CCDC93: variants seen among roughly 807,000 people sequenced by gnomAD.
CCDC93 encodes CCC complex scaffolding subunit CCDC93.
A neutral mutation model predicts 108.2 loss-of-function variants in CCDC93; 61 were observed. That is an observed-to-expected ratio of 0.56 (90% CI 0.46 to 0.70). The LOEUF (loss-of-function observed/expected upper bound fraction) is 0.70, where lower values mean the gene tolerates loss of function less well. Ranked by LOEUF, CCDC93 falls within the 30% of genes least tolerant of loss-of-function variation. The pLI, the probability that CCDC93 is intolerant of heterozygous loss-of-function variation, is 0.00. For missense variants in CCDC93, 685 were observed against 764.2 expected (o/e 0.90, Z 1.22); for synonymous variants, 276 against 260.4 (o/e 1.06, Z -0.58).
chr2:117,956,938 T>C (rs1679239656), intron 12 of CCDC93, among the ~76,000 whole-genome samples: 2 of 151,538 alleles, frequency 1.3e-5, no homozygotes, highest in Non-Finnish European at 2.9e-5. Flanking sequence ...TTGCCCAGGC[T>C]AGAGTGCAAC....
chr2:118,013,475 TG>T (rs1489691355), intron 1 of CCDC93, among the ~76,000 whole-genome samples: 1 of 151,790 alleles, frequency 6.6e-6, no homozygotes, highest in African/African-American at 2.4e-5. Context: ...GCAAGGCGGG[TG>T]GGGCGGGCCG....
chr2:117,952,493 G>A, intron 12 of CCDC93, 58 bp from the exon 13 acceptor site: 1 of 1,220,476 alleles, frequency 8.2e-7, no homozygotes, highest in Non-Finnish European at 1.2e-6. Flanking sequence ...CAACACAGAT[G>A]TGAATTTCAC....
At position 117,936,853 on chromosome 2, in the gene CCDC93, C is replaced by T. The variant is rs543957003; in HGVS notation, c.1606-114G>A. On this transcript the variant is annotated intron_variant, in intron 20 of 23. Transcript: ENST00000376300. The stretch of plus-strand genomic sequence containing the variant: ...ATACTGCTTCTGCAAGGAACACATG[C>T]CTTGTTTATGAAGATTAAAGTAACA... The T allele has an allele frequency of 3.7e-5, 30 of 806,952 alleles. No individual in the cohort carries two copies. The African/African-American group carries it at 4.2e-4, about 11-fold the overall frequency. The allele number at this position is 806,952 out of a possible 1,614,324, so 50.0% of individuals were successfully genotyped here.
chr2:117,977,856 G>T, intron 8 of CCDC93, 138 bp downstream of exon 8: 1 of 718,444 alleles, frequency 1.4e-6, no homozygotes. Context: ...CCAGGACGGA[G>T]ATGCAGGGGC....
chr2:117,945,629 A>G lies in CCDC93; in HGVS notation c.1297-47T>C, dbSNP rs1402618441. On this transcript the variant is annotated intron_variant, in intron 16 of 23. Transcript: ENST00000376300. ...AAACACCTCTCCTGAGCATTCGGGAATAAGACAGAAGCCAAGGATCTAGAT... is the reference window on the plus strand; with the variant it reads ...AAACACCTCTCCTGAGCATTCGGGAGTAAGACAGAAGCCAAGGATCTAGAT... 5 of 1,533,334 alleles carry G rather than the reference A, an allele frequency of 3.3e-6. No homozygotes were observed. In the African/African-American group the frequency reaches 4.1e-5, roughly 13 times the overall value. 95.0% of individuals were successfully genotyped at this position (1,533,334 alleles called of 1,614,324 possible). A position where few individuals can be genotyped will look rare whatever the true frequency, so the allele number is the denominator to read the frequency against.
At chr2:117,928,982 CCAT>C (rs1278794418) in intron 23 of CCDC93, among the ~76,000 whole-genome samples, 3 of 152,202 alleles carry the variant, frequency 2.0e-5, no homozygotes, top group East Asian at 1.9e-4. Context: ...AAGCTGGAAA[CCAT>C]CATTCTCAGC....
intron 12 of CCDC93, among the ~76,000 whole-genome samples, chr2:117,953,370 C>A (rs1679118775): frequency 6.6e-6 from 1 of 152,078 alleles, no homozygotes; most frequent in Non-Finnish European, 1.5e-5. Context: ...AAGCTGAGAG[C>A]AATGTGATAA....
intron 18 of CCDC93, among the ~76,000 whole-genome samples, chr2:117,941,645 G>A (rs1405765074): frequency 6.6e-6 from 1 of 152,170 alleles, no homozygotes; most frequent in Non-Finnish European, 1.5e-5. Context: ...CTGCCAGGCA[G>A]GGACAGGCAA....
intron 1 of CCDC93, chr2:118,012,737 T>G (rs190434148): frequency 5.3e-5 from 8 of 152,184 alleles, no homozygotes; most frequent in African/African-American, 1.9e-4. Flanking sequence ...CTGACAACAT[T>G]ATGCTTGTCA....
chr2:118,005,862 T>C (rs1040717450), intron 3 of CCDC93, among the ~76,000 whole-genome samples: 2 of 151,918 alleles, frequency 1.3e-5, no homozygotes, highest in African/African-American at 4.8e-5. Context: ...AAATGCTGTA[T>C]AAATATAAAG....
At chr2:117,957,608 G>A (rs975465173) in intron 12 of CCDC93, among the ~76,000 whole-genome samples, 1 of 152,114 alleles carries the variant, frequency 6.6e-6, no homozygotes, top group Non-Finnish European at 1.5e-5. Context: ...ACACGTCAAT[G>A]GCTTCTGTTG....
chr2:117,996,591 G>A, intron 4 of CCDC93: 1 of 399,888 alleles, frequency 2.5e-6, no homozygotes, highest in East Asian at 4.3e-5. Flanking sequence ...GAGCTTTAAA[G>A]CCTTACTTCA....
At chr2:117,983,630 TTATATATATATATATATATATATATA>T (rs66879401) in intron 7 of CCDC93, among the ~76,000 whole-genome samples, 35 of 98,610 alleles carry the variant, frequency 3.5e-4, no homozygotes, top group African/African-American at 1.1e-3. Flanking sequence ...CTGCTCAAAA[TTATATATATATATATATATATATATA>T]TATATATATA....
chr2:117,956,891 AT>A (rs141216891), intron 12 of CCDC93, among the ~76,000 whole-genome samples: 1,497 of 142,756 alleles, frequency 0.01, 11 homozygotes, highest in African/African-American at 0.022. Context: ...ACTGGTACCC[AT>A]TTTTTTTTTT....
intron 1 of CCDC93, among the ~76,000 whole-genome samples, chr2:118,010,052 C>T (rs1454498663): frequency 1.3e-5 from 2 of 152,144 alleles, no homozygotes; most frequent in African/African-American, 4.8e-5. Flanking sequence ...AGCGATTCTC[C>T]TGCCTCAGCT....
intron 6 of CCDC93, among the ~76,000 whole-genome samples, chr2:117,993,903 T>G (rs1289124638): frequency 6.6e-6 from 1 of 152,188 alleles, no homozygotes; most frequent in African/African-American, 2.4e-5. Flanking sequence ...CCAGCTAAAT[T>G]TTGTATTTTT....
chr2:117,989,794 A>G (rs1246621933), intron 6 of CCDC93, among the ~76,000 whole-genome samples: 1 of 152,226 alleles, frequency 6.6e-6, no homozygotes, highest in Non-Finnish European at 1.5e-5. Flanking sequence ...ACATATTTAC[A>G]TGCATATGGA....
chr2:117,960,437 G>C (rs144490239), intron 11 of CCDC93, among the ~76,000 whole-genome samples: 1 of 152,216 alleles, frequency 6.6e-6, no homozygotes, highest in African/African-American at 2.4e-5. Context: ...CTGTTCTGCA[G>C]CTTTGGCATG....
At chr2:118,009,094 G>A (rs536931309) in intron 1 of CCDC93, 10 of 154,746 alleles carry the variant, frequency 6.5e-5, no homozygotes, top group Middle Eastern at 3.3e-3. Context: ...ACTTAGGGCC[G>A]GCGTGGGGGC....
Sources: allele counts gnomAD v4.1 joint callset (sites outside exome capture counted in the v4.1 genomes callset), GRCh38; gene constraint gnomAD v4.1.1; transcripts MANE v1.5; gene names NCBI Gene and HGNC (gene_info 2026-07-23, HGNC 2026-07-21).